The following ROR1 variants were observed in gnomAD, a reference collection of about 807,000 sequenced individuals.
ROR1 encodes inactive tyrosine-protein kinase transmembrane receptor ROR1.
ROR1 carries 19 observed loss-of-function variants against 78.8 expected under a neutral mutation model. That is an observed-to-expected ratio of 0.24 (90% CI 0.17 to 0.35). The LOEUF (loss-of-function observed/expected upper bound fraction) is 0.35, where lower values mean the gene tolerates loss of function less well. Among genes scored for constraint, ROR1 ranks in the 10% least tolerant of loss-of-function variants. The probability of loss-of-function intolerance (pLI) is 1.00; values close to 1 mark genes in which losing one functional copy is unlikely to be tolerated. For synonymous variants in ROR1, 386 were observed against 433.6 expected, an observed-to-expected ratio of 0.89 and a Z score of 1.36; for missense variants, 917 against 1,177.8, an observed-to-expected ratio of 0.78 and a Z score of 3.24.
intron 4 of ROR1, among the ~76,000 whole-genome samples, chr1:64,126,071 G>T (rs552266807): frequency 3.3e-4 from 50 of 152,288 alleles, no homozygotes; most frequent in East Asian, 7.7e-4. Flanking sequence ...TTTCAGGAAA[G>T]CATCTTAAAG....
At chr1:64,070,266 T>C (rs1204662668) in intron 4 of ROR1, among the ~76,000 whole-genome samples, 1 of 152,184 alleles carries the variant, frequency 6.6e-6, no homozygotes, top group Non-Finnish European at 1.5e-5. Flanking sequence ...GGCATAGCAA[T>C]GAGGCCTGGC....
chr1:63,923,806 T>C (rs1454864147), intron 1 of ROR1, among the ~76,000 whole-genome samples: 1 of 151,926 alleles, frequency 6.6e-6, no homozygotes, highest in Non-Finnish European at 1.5e-5. Context: ...CCACCTGCTG[T>C]GGTCCCTGCC....
At chr1:63,898,013 T>A (rs1645453810) in intron 1 of ROR1, among the ~76,000 whole-genome samples, 1 of 152,166 alleles carries the variant, frequency 6.6e-6, no homozygotes, top group African/African-American at 2.4e-5. Context: ...CAAAAGGGCC[T>A]TTTTGGCCGG....
chr1:63,820,753 C>T (rs1436057844), intron 1 of ROR1, among the ~76,000 whole-genome samples: 1 of 152,098 alleles, frequency 6.6e-6, no homozygotes, highest in Non-Finnish European at 1.5e-5. Flanking sequence ...AGTGTTAGGA[C>T]TTTATAAGTC....
intron 4 of ROR1, among the ~76,000 whole-genome samples, chr1:64,051,397 C>A (rs1291044079): frequency 6.6e-6 from 1 of 151,052 alleles, no homozygotes; most frequent in Non-Finnish European, 1.5e-5. Flanking sequence ...TTGCAGTGAG[C>A]CCAGATGGCG....
At chr1:64,164,382 A>C (rs989339724) in intron 8 of ROR1, among the ~76,000 whole-genome samples, 3 of 152,250 alleles carry the variant, frequency 2.0e-5, no homozygotes, top group African/African-American at 7.2e-5. Context: ...ACAAAGAGAT[A>C]TGATTACAAA....
intron 1 of ROR1, among the ~76,000 whole-genome samples, chr1:63,995,799 T>C (rs1463793323): frequency 1.3e-5 from 2 of 152,176 alleles, no homozygotes; most frequent in Non-Finnish European, 2.9e-5. Flanking sequence ...TATTATTTAT[T>C]ATTATAGCTA....
At chr1:64,013,783 G>C (rs886197909) in intron 2 of ROR1, among the ~76,000 whole-genome samples, 2 of 152,148 alleles carry the variant, frequency 1.3e-5, no homozygotes, top group Non-Finnish European at 2.9e-5. Flanking sequence ...CCTTACCTCG[G>C]TGTATTGAAA....
intron 4 of ROR1, among the ~76,000 whole-genome samples, chr1:64,052,083 A>G (rs1307710996): frequency 6.6e-6 from 1 of 152,234 alleles, no homozygotes; most frequent in Non-Finnish European, 1.5e-5. Context: ...AAATCACTCA[A>G]GTGCTAATTG....
Position 63,856,091 on chromosome 1 carries a change from TCC to T in ROR1, c.91+81584_91+81585del, listed in dbSNP as rs1382116979. Reference sequence around the variant, plus strand: ...CAGTTTTGATTGACTTTTTTTTTTTTCCTCCTCATCAGGGGTTATATTTCCCT... The same window carrying T: ...CAGTTTTGATTGACTTTTTTTTTTTTTCCTCATCAGGGGTTATATTTCCCT... On this transcript the variant is annotated intron_variant, in intron 1 of 8. Coordinates refer to ENST00000371079, the MANE Select transcript of ROR1 (RefSeq NM_005012.4). Among the ~76,000 whole-genome samples the T allele has an allele frequency of 4.2e-3, 597 of 141,546 alleles. 2 individuals carry two copies. Among genetic ancestry groups the T allele is most frequent in the African/African-American group, 0.016 (554 of 34,506 alleles). The allele number at this position is 141,546 out of a possible 152,430, so 92.9% of individuals were successfully genotyped here.
At chr1:64,114,301 G>A (rs375697844) in intron 4 of ROR1, among the ~76,000 whole-genome samples, 16 of 152,260 alleles carry the variant, frequency 1.1e-4, no homozygotes, top group Middle Eastern at 3.4e-3. Context: ...TTAATATGTC[G>A]CTTCTTAGAA....
At chr1:64,083,059 T>A (rs1647117171) in intron 4 of ROR1, among the ~76,000 whole-genome samples, 1 of 152,046 alleles carries the variant, frequency 6.6e-6, no homozygotes, top group African/African-American at 2.4e-5. Context: ...ATCTCAAGAG[T>A]CTCCCTAATA....
At chr1:63,922,147 A>G (rs1343133074) in intron 1 of ROR1, among the ~76,000 whole-genome samples, 1 of 152,206 alleles carries the variant, frequency 6.6e-6, no homozygotes, top group East Asian at 1.9e-4. Context: ...CACTGAACCC[A>G]TTAAGAATAA....
At chr1:64,032,124 T>G (rs1237185409) in intron 2 of ROR1, among the ~76,000 whole-genome samples, 1 of 151,796 alleles carries the variant, frequency 6.6e-6, no homozygotes, top group Non-Finnish European at 1.5e-5. Context: ...GGGCGGATCA[T>G]GAGGTCAGGA....
chr1:63,813,188 G>A (rs1644870582), intron 1 of ROR1, among the ~76,000 whole-genome samples: 1 of 152,128 alleles, frequency 6.6e-6, no homozygotes, highest in Non-Finnish European at 1.5e-5. Context: ...AGCTCAGTGT[G>A]CTTCATGGAA....
chr1:64,095,751 G>GTC (rs1209377805), intron 4 of ROR1, among the ~76,000 whole-genome samples: 1 of 152,004 alleles, frequency 6.6e-6, no homozygotes, highest in Non-Finnish European at 1.5e-5. Context: ...CTAGGTCATG[G>GTC]TCTCCCATTA....
intron 1 of ROR1, among the ~76,000 whole-genome samples, chr1:64,008,185 T>C (rs1285308676): frequency 6.6e-6 from 1 of 152,144 alleles, no homozygotes; most frequent in Non-Finnish European, 1.5e-5. Context: ...CCTATGATTT[T>C]ACTCCCACTT....
chr1:63,921,126 C>T (rs999689522), intron 1 of ROR1, among the ~76,000 whole-genome samples: 3 of 152,166 alleles, frequency 2.0e-5, no homozygotes, highest in Non-Finnish European at 2.9e-5. Context: ...AAAGGACAAT[C>T]GAAGTAACTC....
chr1:64,091,799 A>G (rs1647199662), intron 4 of ROR1, among the ~76,000 whole-genome samples: 2 of 152,086 alleles, frequency 1.3e-5, no homozygotes, highest in Admixed American at 1.3e-4. Context: ...TTTAGCATGA[A>G]GCCATGCCTT....
Sources: allele counts gnomAD v4.1 joint callset (sites outside exome capture counted in the v4.1 genomes callset), GRCh38; gene constraint gnomAD v4.1.1; transcripts MANE v1.5; gene names NCBI Gene and HGNC (gene_info 2026-07-23, HGNC 2026-07-21).